RER1: variants seen among roughly 807,000 people sequenced by gnomAD.
The protein encoded by RER1 is retention in endoplasmic reticulum sorting receptor 1, also known as protein RER1.
A neutral mutation model predicts 28.3 loss-of-function variants in RER1; 6 were observed. That is an observed-to-expected ratio of 0.21 (90% CI 0.12 to 0.42). The LOEUF (loss-of-function observed/expected upper bound fraction) is 0.42, where lower values mean the gene tolerates loss of function less well. Among genes scored for constraint, RER1 ranks in the 10% least tolerant of loss-of-function variants. RER1 has a pLI of 1.00. For missense variants in RER1, 159 were observed against 252.9 expected, an observed-to-expected ratio of 0.63 and a Z score of 2.52; for synonymous variants, 110 against 95.9, an observed-to-expected ratio of 1.15 and a Z score of -0.86.
In RER1 at chr1:2,404,263, GCTC is replaced by G. The variant is rs1305203231; in HGVS notation, c.*1143_*1145del. 5 of 152,252 alleles carry G rather than the reference GCTC, an allele frequency of 3.3e-5. No homozygotes were observed. Among genetic ancestry groups the G allele is most frequent in the African/African-American group, 1.2e-4 (5 of 41,458 alleles). 9.4% of individuals were successfully genotyped at this position (152,252 alleles called of 1,614,324 possible). ...CCAGTGTTTACATATCTGACATCGA[GCTC>G]CTCTAAGAGGCCACGTTCAAGCTTG... is the stretch of plus-strand genomic sequence containing the variant. On this transcript the variant is annotated 3_prime_UTR_variant, in exon 7 of 7. Transcript: ENST00000605895.
chr1:2,395,589 C>T (rs1005949102), intron 1 of RER1, 195 bp from the exon 2 acceptor site: 16 of 577,482 alleles, frequency 2.8e-5, no homozygotes, highest in African/African-American at 5.6e-5. Context: ...ATGCGTCTCA[C>T]GCTGCCCTTC....
At chr1:2,395,905 T>C in intron 2 of RER1, 34 bp downstream of exon 2, 1 of 1,510,500 alleles carries the variant, frequency 6.6e-7, no homozygotes, top group Non-Finnish European at 9.2e-7. Context: ...AGTATAAATA[T>C]TTGAAAAAGA....
At chr1:2,392,250 C>T (rs1222221829) in intron 1 of RER1, among the ~76,000 whole-genome samples, 2 of 152,130 alleles carry the variant, frequency 1.3e-5, no homozygotes, top group Admixed American at 6.5e-5. Flanking sequence ...CCTCGAGCCA[C>T]CCGGGCCGCA....
At chr1:2,395,332 C>T (rs762000584) in intron 1 of RER1, 12 of 191,544 alleles carry the variant, frequency 6.3e-5, no homozygotes, top group Non-Finnish European at 1.1e-4. Context: ...CCCTCCTGCT[C>T]CTGCCAGACC....
intron 3 of RER1, among the ~76,000 whole-genome samples, chr1:2,397,713 G>A (rs974740848): frequency 6.6e-6 from 1 of 152,216 alleles, no homozygotes; most frequent in Non-Finnish European, 1.5e-5. Context: ...GACAGTGACC[G>A]AAGGGGGTCT....
chr1:2,401,922 T>C, intron 5 of RER1: 1 of 1,227,934 alleles, frequency 8.1e-7, no homozygotes, highest in Non-Finnish European at 1.1e-6. Flanking sequence ...CCAGCAGGCA[T>C]GGGGCCCCCA....
At chr1:2,394,632 T>G (rs1642740831) in intron 1 of RER1, 1 of 152,278 alleles carries the variant, frequency 6.6e-6, no homozygotes, top group South Asian at 2.1e-4. Flanking sequence ...TGCTTTCATG[T>G]CTGGTATTTC....
chr1:2,392,754 C>G (rs1460098047), intron 1 of RER1, among the ~76,000 whole-genome samples: 1 of 152,238 alleles, frequency 6.6e-6, no homozygotes, highest in African/African-American at 2.4e-5. Context: ...CAGACTCTCA[C>G]ATGGCTTCTG....
In RER1 at chr1:2,397,154, G is replaced by T. The variant is rs770952201; in HGVS notation, c.120G>T (p.Thr40=). The change falls in exon 3 of 7, where the codon ACG becomes ACT. Residue 40 remains threonine, a synonymous_variant. Coordinates refer to ENST00000605895, the MANE Select transcript of RER1 (RefSeq NM_007033.5). ...QSWLDKSTPY[T]AVRWVVTLGL... ...GGCTAGACAAGTCCACACCCTACAC[G>T]GCTGTGCGATGGGTCGTGACACTGG... is the stretch of plus-strand genomic sequence containing the variant. 3 of 1,613,984 alleles carry T rather than the reference G, an allele frequency of 1.9e-6. No individual in the cohort carries two copies. In the Admixed American group the frequency reaches 5.0e-5, roughly 27 times the overall value.
At chr1:2,395,896 G>C (rs1235923916) in intron 2 of RER1, 25 bp downstream of exon 2, 27 of 1,546,314 alleles carry the variant, frequency 1.7e-5, no homozygotes, top group Non-Finnish European at 2.3e-5. Context: ...TAGTAGATGA[G>C]TATAAATATT....
At chr1:2,396,708 G>GGCTGGCT (rs1401765419) in intron 2 of RER1, among the ~76,000 whole-genome samples, 3 of 152,218 alleles carry the variant, frequency 2.0e-5, no homozygotes, top group Non-Finnish European at 4.4e-5. Context: ...AGCGGGGCAA[G>GGCTGGCT]GCTGGCTGCT....
At chr1:2,397,666 G>A (rs1642788378) in intron 3 of RER1, among the ~76,000 whole-genome samples, 1 of 152,210 alleles carries the variant, frequency 6.6e-6, no homozygotes, top group East Asian at 1.9e-4. Context: ...TGAGGCCAAA[G>A]CACAGTGCAG....
rs77863194 is a variant in RER1 at position 2,405,090 on chromosome 1, G to A, written c.*1966G>A. ...GGAAGAGACCTCTCTGTGCGTCTCAGGCTGAGATGCAGATTTCTGTTTTCT... is the reference window on the plus strand; with the variant it reads ...GGAAGAGACCTCTCTGTGCGTCTCAAGCTGAGATGCAGATTTCTGTTTTCT... On this transcript the variant is annotated 3_prime_UTR_variant, in exon 7 of 7. Transcript: ENST00000605895. 3.6e-3 allele frequency: 584 copies of A among 161,360 alleles called. 3 individuals carry two copies. The highest frequency in any genetic ancestry group is 0.013 in the African/African-American group (542 of 41,598). The allele number at this position is 161,360 out of a possible 1,614,324, so 10.0% of individuals were successfully genotyped here.
intron 1 of RER1, among the ~76,000 whole-genome samples, chr1:2,393,565 C>T (rs1481239344): frequency 6.6e-6 from 1 of 152,150 alleles, no homozygotes; most frequent in Non-Finnish European, 1.5e-5. Flanking sequence ...AAGGGTGCTC[C>T]ACGGGCTGCC....
Position 2,405,280 on chromosome 1 carries a change from G to T in RER1, c.*2156G>T, listed in dbSNP as rs1027326081. The T allele has an allele frequency of 1.4e-5, 4 of 292,712 alleles. No homozygotes were observed. Among genetic ancestry groups the T allele is most frequent in the South Asian group, 1.2e-4 (4 of 32,054 alleles). The allele number at this position is 292,712 out of a possible 1,614,324, so 18.1% of individuals were successfully genotyped here. ...GGAGAGCAGCGCCGCCTCCCATGGGGCCGTGGGGCTGCTGTTCTCACTGCA... is the reference window on the plus strand; with the variant it reads ...GGAGAGCAGCGCCGCCTCCCATGGGTCCGTGGGGCTGCTGTTCTCACTGCA... On this transcript the variant is annotated 3_prime_UTR_variant, in exon 7 of 7. Transcript: ENST00000605895.
chr1:2,401,408 C>CTCCTTCCTCCT (rs1557904089), intron 5 of RER1, among the ~76,000 whole-genome samples: 4 of 117,110 alleles, frequency 3.4e-5, no homozygotes, highest in African/African-American at 1.4e-4. Context: ...CTCCTCCTCC[C>CTCCTTCCTCCT]TCCTTCCTCC....
At chr1:2,396,131 C>A (rs1180313978) in intron 2 of RER1, 1 of 459,266 alleles carries the variant, frequency 2.2e-6, no homozygotes, top group Non-Finnish European at 4.0e-6. Context: ...AATATAAAAC[C>A]CAGTCTCAGC....
At chr1:2,392,042 GGGGCCGCGCTGA>G (rs1642682940) in intron 1 of RER1, 84 bp downstream of exon 1, 1 of 151,664 alleles carries the variant, frequency 6.6e-6, no homozygotes, top group African/African-American at 2.4e-5. Flanking sequence ...GCGGGCGGGC[GGGGCCGCGCTGA>G]GGGCCGGGCG....
chr1:2,401,018 C>A, intron 5 of RER1, 83 bp downstream of exon 5: 4 of 1,208,902 alleles, frequency 3.3e-6, no homozygotes, highest in South Asian at 2.4e-5. Flanking sequence ...TTGTTCAAGT[C>A]ACCTGAAAGA....
Sources: gnomAD v4.1 joint callset for allele counts (sites outside exome capture counted in the v4.1 genomes callset) on GRCh38, gnomAD v4.1.1 for gene constraint, MANE v1.5 for transcripts, NCBI Gene and HGNC (gene_info 2026-07-23, HGNC 2026-07-21) for gene names.